The following FOXH1 variants were observed in gnomAD, a reference collection of about 807,000 sequenced individuals.
FOXH1 encodes the protein forkhead box H1.
In FOXH1, 10 loss-of-function variants were observed where a neutral mutation model predicts 14.2. That is an observed-to-expected ratio of 0.70 (90% CI 0.43 to 1.19). FOXH1 has a LOEUF of 1.19. Among genes scored for constraint, FOXH1 ranks in the 50% most tolerant of loss-of-function variants. FOXH1 has a pLI of 0.00. For synonymous variants in FOXH1, 273 were observed against 209.5 expected, an observed-to-expected ratio of 1.30 and a Z score of -2.62; for missense variants, 643 against 492.1, an observed-to-expected ratio of 1.31 and a Z score of -2.90.
Position 144,475,732 on chromosome 8 carries a change from G to T in FOXH1, c.25C>A (p.Leu9Met), listed in dbSNP as rs1415368108. The T allele has an allele frequency of 8.5e-6, 12 of 1,420,074 alleles. No homozygotes were observed. The highest frequency in any genetic ancestry group is 1.1e-5 in the Non-Finnish European group (12 of 1,087,616). The allele number at this position is 1,420,074 out of a possible 1,614,324, so 88.0% of individuals were successfully genotyped here. A position where few individuals can be genotyped will look rare whatever the true frequency, so the allele number is the denominator to read the frequency against. Reference sequence around the variant, plus strand: ...GGCGACTCTGCCTCTGGGGGCCCCAGGCGGGAGCCGCTGCAGGGCCCCATG... The same window carrying T: ...GGCGACTCTGCCTCTGGGGGCCCCATGCGGGAGCCGCTGCAGGGCCCCATG... Reference protein sequence around the residue: MGPCSGSRLGPPEAESPSQ... With the variant: MGPCSGSRMGPPEAESPSQ... The change falls in exon 1 of 3, where the codon CTG becomes ATG. Residue 9 changes from leucine (L) to methionine (M), a missense_variant. Physicochemically the swap from Leu to Met is conservative, Grantham distance 15. Transcript: ENST00000377317.
Position 144,474,580 on chromosome 8 carries a change from G to T in FOXH1, c.756C>A (p.Leu252=). 1 of 1,610,064 alleles carries T rather than the reference G, an allele frequency of 6.2e-7. No individual in the cohort carries two copies. The highest frequency in any genetic ancestry group is 8.5e-7 in the Non-Finnish European group (1 of 1,179,504). The change falls in exon 3 of 3, where the codon CTC becomes CTA. Residue 252 remains leucine (L), a synonymous_variant. Coordinates refer to ENST00000377317, the MANE Select transcript of FOXH1 (RefSeq NM_003923.3). ...GAACTGCGGTGCCCTGCAGTAAGTGGAGAGGCCAGGCCCTAGGCTCTGGGG... is the reference window on the plus strand; with the variant it reads ...GAACTGCGGTGCCCTGCAGTAAGTGTAGAGGCCAGGCCCTAGGCTCTGGGG... ...TLSPEPRAWP[L]HLLQGTAVPG...
In FOXH1 at chr8:144,475,259, G is replaced by C. The variant is rs746595634; in HGVS notation, c.177C>G (p.Ile59Met). 106 of 1,611,904 alleles carry C rather than the reference G, an allele frequency of 6.6e-5. No homozygotes were observed. Among genetic ancestry groups the C allele is most frequent in the Non-Finnish European group, 8.5e-7 (1 of 1,179,064 alleles). The change falls in exon 2 of 3, where the codon ATC becomes ATG. Residue 59 changes from isoleucine (I) to methionine (M), a missense_variant and splice_region_variant. Ile to Met is a conservative substitution (Grantham distance 10). Transcript: ENST00000377317. ...GGAACACGGCCTGGACCTGACGGATGATCTGAAACCGCCAGGCGGCCGGCC... is the reference window on the plus strand; with the variant it reads ...GGAACACGGCCTGGACCTGACGGATCATCTGAAACCGCCAGGCGGCCGGCC... ...APSRRLKLAQ[I>M]IRQVQAVFPF...
Position 144,473,832 on chromosome 8 carries a change from C to T in FOXH1, c.*406G>A, listed in dbSNP as rs1825048055. On this transcript the variant is annotated 3_prime_UTR_variant, in exon 3 of 3. Coordinates refer to ENST00000377317, the MANE Select transcript of FOXH1 (RefSeq NM_003923.3). Reference sequence around the variant, plus strand: ...ACCCGTTTCCCGAAAAAGGTGCTACCTCCTTTCCAGACAGATGAGAGAGGG... The same window carrying T: ...ACCCGTTTCCCGAAAAAGGTGCTACTTCCTTTCCAGACAGATGAGAGAGGG... The T allele has an allele frequency of 8.2e-6, 3 of 367,042 alleles. No homozygotes were observed. The highest frequency in any genetic ancestry group is 4.3e-5 in the Admixed American group (1 of 23,094). 22.7% of individuals were successfully genotyped at this position (367,042 alleles called of 1,614,324 possible).
At position 144,475,622 on chromosome 8, in the gene FOXH1, C is replaced by A; in HGVS notation, c.135G>T (p.Val45=). 1 of 1,442,854 alleles carries A rather than the reference C, an allele frequency of 6.9e-7. No individual in the cohort carries two copies. The highest frequency in any genetic ancestry group is 3.0e-5 in the Admixed American group (1 of 33,698). 89.4% of individuals were successfully genotyped at this position (1,442,854 alleles called of 1,614,324 possible). The change falls in exon 1 of 3, where the codon GTG becomes GTT. Residue 45 remains valine (V), a synonymous_variant. Transcript: ENST00000377317. ...PYTYLAMIAL[V]IQAAPSRRLK... ...GTCTGCGGGAGGGAGCGGCCTGAAT[C>A]ACCAAGGCGATCATGGCCAAGTAGG... is the stretch of plus-strand genomic sequence containing the variant.
Position 144,474,241 on chromosome 8 carries a change from C to G in FOXH1, c.1095G>C (p.Leu365=), listed in dbSNP as rs779133114. ...GPGWLLSWCS[L] ...AGTGGCCCCTGTCTTAAGAGCCTCA[C>G]AGGCTGCACCAGGAGAGCAGCCAGC... Residue 365 remains leucine, a synonymous_variant, in exon 3 of 3, where the codon CTG becomes CTC. Transcript: ENST00000377317. The G allele has an allele frequency of 1.9e-6, 3 of 1,569,194 alleles. No individual in the cohort carries two copies. The highest frequency in any genetic ancestry group is 2.6e-6 in the Non-Finnish European group (3 of 1,157,812).
Position 144,474,461 on chromosome 8 carries a change from G to A in FOXH1, c.875C>T (p.Pro292Leu). 8 of 1,612,748 alleles carry A rather than the reference G, an allele frequency of 5.0e-6. No homozygotes were observed. The highest frequency in any genetic ancestry group is 6.8e-6 in the Non-Finnish European group (8 of 1,180,008). Residue 292 changes from proline to leucine, a missense_variant, in exon 3 of 3, where the codon CCC (proline) becomes CTC (leucine). Coordinates refer to ENST00000377317, the MANE Select transcript of FOXH1 (RefSeq NM_003923.3). The part of the protein sequence containing the change: ...LPIYTPNVVM[P>L]LAPPPTSCPQ... ...ACAGGAGGTGGGTGGTGGTGCCAAG[G>A]GCATTACCACATTGGGAGTGTAGAT...
Position 144,475,143 on chromosome 8 carries a change from C to T in FOXH1, c.279+14G>A, listed in dbSNP as rs761998458. On this transcript the variant is annotated intron_variant, in intron 2 of 2. Transcript: ENST00000377317. Reference sequence around the variant, plus strand: ...CGCGCTCCGCCCCCGGGCTCCGACCCTGGCCTGCCCCACCTTGCGGAAGCA... The same window carrying T: ...CGCGCTCCGCCCCCGGGCTCCGACCTTGGCCTGCCCCACCTTGCGGAAGCA... 3 of 1,612,470 alleles carry T rather than the reference C, an allele frequency of 1.9e-6. No individual in the cohort carries two copies. The highest frequency in any genetic ancestry group is 1.7e-6 in the Non-Finnish European group (2 of 1,179,424).
chr8:144,474,487 A>G lies in FOXH1; in HGVS notation c.849T>C (p.Pro283=). Residue 283 remains proline, a synonymous_variant, in exon 3 of 3, where the codon CCT becomes CCC. Transcript: ENST00000377317. ...GCATTACCACATTGGGAGTGTAGAT[A>G]GGCAAGTAGGAGGTGGGCAGCTGCC... ...LWGQLPTSYL[P]IYTPNVVMPL... The G allele has an allele frequency of 6.2e-7, 1 of 1,611,496 alleles. No individual in the cohort carries two copies. Among genetic ancestry groups the G allele is most frequent in the South Asian group, 1.1e-5 (1 of 91,012 alleles).
chr8:144,474,542 G>C lies in FOXH1; in HGVS notation c.794C>G (p.Ser265Cys). The part of the protein sequence containing the change: ...LQGTAVPGGR[S>C]SGGHRASLWG... Reference sequence around the variant, plus strand: ...GAGGGAGGCCCTGTGTCCCCCGCTGGACCGTCCCCCAGGAACTGCGGTGCC... The same window carrying C: ...GAGGGAGGCCCTGTGTCCCCCGCTGCACCGTCCCCCAGGAACTGCGGTGCC... Residue 265 changes from serine (S) to cysteine (C), a missense_variant, in exon 3 of 3, where the codon TCC becomes TGC. Ser to Cys is a moderately radical substitution (Grantham distance 112). Coordinates refer to ENST00000377317, the MANE Select transcript of FOXH1 (RefSeq NM_003923.3). 1 of 1,611,014 alleles carries C rather than the reference G, an allele frequency of 6.2e-7. No individual in the cohort carries two copies. The highest frequency in any genetic ancestry group is 8.5e-7 in the Non-Finnish European group (1 of 1,179,922).
chr8:144,475,091 C>T (rs1825103382), intron 2 of FOXH1, 35 bp from the exon 3 acceptor site: 4 of 1,601,706 alleles, frequency 2.5e-6, no homozygotes, highest in Non-Finnish European at 3.4e-6. Context: ...TGGGGCTGCC[C>T]AACCTTGGAT....
chr8:144,474,579 G>GCTC lies in FOXH1; in HGVS notation c.756_757insGAG (p.Leu252_His253insGlu), dbSNP rs750262113. ...GGAACTGCGGTGCCCTGCAGTAAGTGGAGAGGCCAGGCCCTAGGCTCTGGG... is the reference window on the plus strand; with the variant it reads ...GGAACTGCGGTGCCCTGCAGTAAGTGCTCGAGAGGCCAGGCCCTAGGCTCTGGG... On this transcript the variant is annotated inframe_insertion, in exon 3 of 3. Coordinates refer to ENST00000377317, the MANE Select transcript of FOXH1 (RefSeq NM_003923.3). 1 of 1,609,956 alleles carries GCTC rather than the reference G, an allele frequency of 6.2e-7. No individual in the cohort carries two copies. Among genetic ancestry groups the GCTC allele is most frequent in the South Asian group, 1.1e-5 (1 of 90,868 alleles).
At position 144,474,890 on chromosome 8, in the gene FOXH1, A is replaced by G; in HGVS notation, c.446T>C (p.Leu149Pro). The change falls in exon 3 of 3, where the codon CTG becomes CCG. Residue 149 changes from leucine to proline, a missense_variant. Physicochemically the swap from Leu to Pro is moderately conservative, Grantham distance 98. Transcript: ENST00000377317. ...GGGCGGCCGGTATGGCCGGCCGTGC[A>G]GCACGTAGGGGCCCAGGTCCTTGGC... is the stretch of plus-strand genomic sequence containing the variant. ...AFAKDLGPYVLHGRPYRPPSP... is the reference protein window; with the variant it reads ...AFAKDLGPYVPHGRPYRPPSP... The G allele has an allele frequency of 6.2e-7, 1 of 1,610,632 alleles. No individual in the cohort carries two copies. The highest frequency in any genetic ancestry group is 2.2e-5 in the East Asian group (1 of 44,858).
chr8:144,475,254 C>T lies in FOXH1; in HGVS notation c.182G>A (p.Arg61His), dbSNP rs138436343. The T allele has an allele frequency of 2.5e-6, 4 of 1,612,656 alleles. No individual in the cohort carries two copies. The highest frequency in any genetic ancestry group is 2.2e-5 in the East Asian group (1 of 44,850). Reference sequence around the variant, plus strand: ...GAAGGGGAACACGGCCTGGACCTGACGGATGATCTGAAACCGCCAGGCGGC... The same window carrying T: ...GAAGGGGAACACGGCCTGGACCTGATGGATGATCTGAAACCGCCAGGCGGC... Reference protein sequence around the residue: ...SRRLKLAQIIRQVQAVFPFFR... With the variant: ...SRRLKLAQIIHQVQAVFPFFR... The change falls in exon 2 of 3, where the codon CGT (arginine) becomes CAT (histidine). Residue 61 changes from arginine to histidine, a missense_variant. Physicochemically the swap from Arg to His is conservative, Grantham distance 29. Transcript: ENST00000377317.
At chr8:144,475,471 C>T (rs764809047) in intron 1 of FOXH1, 112 bp downstream of exon 1, 6 of 923,854 alleles carry the variant, frequency 6.5e-6, no homozygotes, top group Admixed American at 5.6e-5. Flanking sequence ...CAGGACTGGT[C>T]CCACTGGCAT....
chr8:144,475,009 C>G lies in FOXH1; in HGVS notation c.327G>C (p.Ala109=), dbSNP rs1033575701. 4 of 1,605,628 alleles carry G rather than the reference C, an allele frequency of 2.5e-6. No individual in the cohort carries two copies. In the East Asian group the frequency reaches 6.8e-5, roughly 27 times the overall value. The change falls in exon 3 of 3, where the codon GCG becomes GCC. Residue 109 remains alanine, a synonymous_variant. Coordinates refer to ENST00000377317, the MANE Select transcript of FOXH1 (RefSeq NM_003923.3). ...AKPQAKGNFW[A]VDVSLIPAEA... is the part of the protein sequence containing the mutation. ...CAGCTGGGATCAGGCTCACGTCGAC[C>G]GCCCAGAAGTTGCCCTTGGCCTGGG...
Position 144,473,818 on chromosome 8 carries a change from GA to G in FOXH1, c.*419del. On this transcript the variant is annotated 3_prime_UTR_variant, in exon 3 of 3. Transcript: ENST00000377317. ...GTCTTTACTCCCTAACCCGTTTCCC[GA>G]AAAAGGTGCTACCTCCTTTCCAGAC... The G allele has an allele frequency of 2.8e-6, 1 of 353,260 alleles. No individual in the cohort carries two copies. The allele number at this position is 353,260 out of a possible 1,614,324, so 21.9% of individuals were successfully genotyped here.
chr8:144,475,770 C>T lies in FOXH1; in HGVS notation c.-14G>A, dbSNP rs1006576588. 6 of 1,377,530 alleles carry T rather than the reference C, an allele frequency of 4.4e-6. No homozygotes were observed. Among genetic ancestry groups the T allele is most frequent in the South Asian group, 1.9e-5 (1 of 51,934 alleles). The allele number at this position is 1,377,530 out of a possible 1,614,324, so 85.3% of individuals were successfully genotyped here. A position where few individuals can be genotyped will look rare whatever the true frequency, so the allele number is the denominator to read the frequency against. On this transcript the variant is annotated 5_prime_UTR_variant, in exon 1 of 3. Coordinates refer to ENST00000377317, the MANE Select transcript of FOXH1 (RefSeq NM_003923.3). ...GCAGGGCCCCATGCGGGACGGTAGA[C>T]AGCGTGGGCAGGGGCCTGGCCGGGT...
chr8:144,474,463 C>T lies in FOXH1; in HGVS notation c.873G>A (p.Met291Ile). Residue 291 changes from methionine to isoleucine, a missense_variant, in exon 3 of 3, where the codon ATG becomes ATA. Transcript: ENST00000377317. ...YLPIYTPNVVMPLAPPPTSCP... is the reference protein window; with the variant it reads ...YLPIYTPNVVIPLAPPPTSCP... Reference sequence around the variant, plus strand: ...AGGAGGTGGGTGGTGGTGCCAAGGGCATTACCACATTGGGAGTGTAGATAG... The same window carrying T: ...AGGAGGTGGGTGGTGGTGCCAAGGGTATTACCACATTGGGAGTGTAGATAG... 1 of 1,612,606 alleles carries T rather than the reference C, an allele frequency of 6.2e-7. No individual in the cohort carries two copies. Among genetic ancestry groups the T allele is most frequent in the Non-Finnish European group, 8.5e-7 (1 of 1,179,990 alleles).
rs1433894444 is a variant in FOXH1, at chr8:144,474,489, G to T, written c.847C>A (p.Pro283Thr). The T allele has an allele frequency of 6.2e-7, 1 of 1,611,568 alleles. No individual in the cohort carries two copies. The highest frequency in any genetic ancestry group is 2.2e-5 in the East Asian group (1 of 44,880). ...ATTACCACATTGGGAGTGTAGATAG[G>T]CAAGTAGGAGGTGGGCAGCTGCCCC... Reference protein sequence around the residue: ...LWGQLPTSYLPIYTPNVVMPL... With the variant: ...LWGQLPTSYLTIYTPNVVMPL... Residue 283 changes from proline (P) to threonine (T), a missense_variant, in exon 3 of 3, where the codon CCT (proline) becomes ACT (threonine). Physicochemically the swap from Pro to Thr is conservative, Grantham distance 38. Coordinates refer to ENST00000377317, the MANE Select transcript of FOXH1 (RefSeq NM_003923.3).
Sources: gnomAD v4.1 joint callset for allele counts on GRCh38, gnomAD v4.1.1 for gene constraint, MANE v1.5 for transcripts, NCBI Gene and HGNC (gene_info 2026-07-23, HGNC 2026-07-21) for gene names.